CFAP107: variants seen among roughly 807,000 people sequenced by gnomAD.
CFAP107 encodes cilia and flagella associated protein 107, also known as cilia- and flagella-associated protein 107.
chr1:12,759,319 T>G, the CFAP107 span: 1 of 1,613,780 alleles, frequency 6.2e-7, no homozygotes, highest in Non-Finnish European at 8.5e-7. Flanking sequence ...GGGGCTACCT[T>G]ACAAACACCT....
chr1:12,760,930 G>T, the CFAP107 span: 1 of 1,612,904 alleles, frequency 6.2e-7, no homozygotes, highest in South Asian at 1.1e-5. Flanking sequence ...CCCATCGCCT[G>T]CATCCTCTCC....
chr1:12,749,032 C>A, the CFAP107 span, among the ~76,000 whole-genome samples: 28 of 152,032 alleles, frequency 1.8e-4, no homozygotes, highest in South Asian at 5.6e-3. Context: ...TTATGGGACA[C>A]TATGAAGCAG....
the CFAP107 span, among the ~76,000 whole-genome samples, chr1:12,749,456 T>C: frequency 1.3e-5 from 2 of 151,930 alleles, no homozygotes; most frequent in Non-Finnish European, 2.9e-5. Context: ...ACAAAAGATA[T>C]ACAAATTAGC....
the CFAP107 span, chr1:12,759,693 G>A: frequency 9.1e-6 from 6 of 658,522 alleles, no homozygotes; most frequent in Admixed American, 6.7e-5. Flanking sequence ...TCTTGGCTGT[G>A]TAATGAAGCC....
At chr1:12,747,272 T>A in the CFAP107 span, among the ~76,000 whole-genome samples, 8 of 152,098 alleles carry the variant, frequency 5.3e-5, no homozygotes, top group African/African-American at 1.9e-4. Context: ...CTTCACCATG[T>A]TGGCCAGGCT....
At chr1:12,760,736 GC>G in the CFAP107 span, 1 of 1,596,826 alleles carries the variant, frequency 6.3e-7, no homozygotes. Context: ...CCTTCTGTAA[GC>G]CCCATTCAAC....
chr1:12,761,200 T>A, the CFAP107 span: 2 of 404,704 alleles, frequency 4.9e-6, no homozygotes. Context: ...ACAAGACAGA[T>A]TCAGACTGTC....
the CFAP107 span, chr1:12,761,357 A>G: frequency 1.3e-5 from 2 of 157,580 alleles, no homozygotes; most frequent in South Asian, 2.0e-4. Flanking sequence ...AAAACTCCAC[A>G]GAATGACTGA....
At chr1:12,755,684 ATTTGGTCTTTTCCAG>A in the CFAP107 span, 2 of 1,553,022 alleles carry the variant, frequency 1.3e-6, no homozygotes. Flanking sequence ...TTTCCTGAAT[ATTTGGTCTTTTCCAG>A]TTCACCAGAG....
At chr1:12,761,547 T>TTG in the CFAP107 span, 3 of 151,320 alleles carry the variant, frequency 2.0e-5, no homozygotes, top group East Asian at 1.9e-4. Flanking sequence ...TTTTTTGTTT[T>TTG]TTTTTTTGAG....
chr1:12,760,049 G>GAA, the CFAP107 span, among the ~76,000 whole-genome samples: 1 of 152,100 alleles, frequency 6.6e-6, no homozygotes, highest in Non-Finnish European at 1.5e-5. Flanking sequence ...AAAGTGAGGG[G>GAA]TGGTCTTTGT....
chr1:12,755,400 T>C, the CFAP107 span, among the ~76,000 whole-genome samples: 1 of 131,048 alleles, frequency 7.6e-6, no homozygotes, highest in East Asian at 2.1e-4. Flanking sequence ...TGAGACTCCA[T>C]GTCCAAAAAA....
the CFAP107 span, among the ~76,000 whole-genome samples, chr1:12,750,275 C>G: frequency 6.6e-6 from 1 of 151,996 alleles, no homozygotes; most frequent in Non-Finnish European, 1.5e-5. Flanking sequence ...ATGTGGCCCT[C>G]AAAAATTAAA....
At chr1:12,755,661 G>A in the CFAP107 span, 2 of 1,368,690 alleles carry the variant, frequency 1.5e-6, no homozygotes, top group Non-Finnish European at 2.1e-6. Context: ...TTGAGAAGTG[G>A]CATCTCAGAG....
the CFAP107 span, among the ~76,000 whole-genome samples, chr1:12,755,315 G>A: frequency 1.3e-5 from 2 of 152,132 alleles, no homozygotes; most frequent in African/African-American, 4.8e-5. Flanking sequence ...TGAGACAGGG[G>A]AATTGCTTGA....
At chr1:12,749,681 G>A in the CFAP107 span, among the ~76,000 whole-genome samples, 8 of 152,138 alleles carry the variant, frequency 5.3e-5, no homozygotes, top group South Asian at 2.1e-4. Flanking sequence ...TTGGAGCCTG[G>A]AAGGCAGTGG....
At chr1:12,755,332 G>A in the CFAP107 span, among the ~76,000 whole-genome samples, 1 of 152,098 alleles carries the variant, frequency 6.6e-6, no homozygotes, top group East Asian at 1.9e-4. Flanking sequence ...TTGAACCCGA[G>A]AGGCAGAGGT....
At chr1:12,755,513 C>A in the CFAP107 span, among the ~76,000 whole-genome samples, 1 of 152,168 alleles carries the variant, frequency 6.6e-6, no homozygotes, top group African/African-American at 2.4e-5. Context: ...GACAGCTCTT[C>A]CCGGGGGTGC....
the CFAP107 span, among the ~76,000 whole-genome samples, chr1:12,746,922 A>G: frequency 6.6e-6 from 1 of 152,100 alleles, no homozygotes; most frequent in South Asian, 2.1e-4. Flanking sequence ...CTTAATTTGA[A>G]GAACATTTGC....
Sources: allele counts gnomAD v4.1 joint callset (sites outside exome capture counted in the v4.1 genomes callset), GRCh38; gene constraint gnomAD v4.1.1; transcripts MANE v1.5; gene names NCBI Gene and HGNC (gene_info 2026-07-23, HGNC 2026-07-21).